The following SLC44A1 variants were observed in gnomAD, a reference collection of about 807,000 sequenced individuals.
SLC44A1 encodes solute carrier family 44 member 1.
A neutral mutation model predicts 79.3 loss-of-function variants in SLC44A1; 26 were observed. The ratio of observed to expected loss-of-function variants is 0.33; its 90% CI spans 0.24 to 0.46. The LOEUF (loss-of-function observed/expected upper bound fraction) is 0.46, where lower values mean the gene tolerates loss of function less well. Ranked by LOEUF, SLC44A1 falls within the 20% of genes least tolerant of loss-of-function variation. The pLI is 1.00. For synonymous variants in SLC44A1, 263 were observed against 286.2 expected (o/e 0.92, Z 0.82); for missense variants, 688 against 798.1 (o/e 0.86, Z 1.66).
rs567667319 is a variant in SLC44A1, at chr9:105,419,125, C to T, written c.1951-19156C>T. 3.9e-5 allele frequency among the ~76,000 whole-genome samples: 6 copies of T among 152,158 alleles called. No individual in the cohort carries two copies. In the East Asian group the frequency reaches 5.8e-4, roughly 15 times the overall value. The stretch of plus-strand genomic sequence containing the variant: ...AGAAAAAGATTTACAAGCTGAAGAA[C>T]GCTAGAGTTAGCATAGAGACATATG... On this transcript the variant is annotated intron_variant, in intron 15 of 15. Transcript: ENST00000374724.
chr9:105,294,180 A>G (rs909763850), intron 1 of SLC44A1, among the ~76,000 whole-genome samples: 1 of 152,216 alleles, frequency 6.6e-6, no homozygotes, highest in Non-Finnish European at 1.5e-5. Flanking sequence ...ATATTGTTGT[A>G]GGAATATATT....
intron 1 of SLC44A1, among the ~76,000 whole-genome samples, chr9:105,269,322 C>CA (rs1830029773): frequency 6.6e-6 from 1 of 152,126 alleles, no homozygotes; most frequent in African/African-American, 2.4e-5. Flanking sequence ...TCTCTTTAGA[C>CA]ACTCTTTTTA....
intron 15 of SLC44A1, among the ~76,000 whole-genome samples, chr9:105,416,257 G>A (rs1468065356): frequency 6.6e-6 from 1 of 150,774 alleles, no homozygotes; most frequent in Non-Finnish European, 1.5e-5. Context: ...ATAAGAAGAA[G>A]CTAATTCTTA....
intron 1 of SLC44A1, among the ~76,000 whole-genome samples, chr9:105,260,458 C>G (rs2131210847): frequency 6.6e-6 from 1 of 152,264 alleles, no homozygotes. Flanking sequence ...AAACCAGAAG[C>G]AACAATAAGG....
rs140452508 is a variant in SLC44A1, at chr9:105,339,276, G to C, written c.406+3577G>C. Among the ~76,000 whole-genome samples, 271 of 152,180 alleles carry C rather than the reference G, an allele frequency of 1.8e-3. 1 individual carries two copies. The highest frequency in any genetic ancestry group is 6.2e-3 in the African/African-American group (257 of 41,526). On this transcript the variant is annotated intron_variant, in intron 4 of 15. Transcript: ENST00000374720. Reference sequence around the variant, plus strand: ...TCACACAAGTGTTGGTGAGGATGTAGAGAATCGGAACCTTTGTGTACCGTT... The same window carrying C: ...TCACACAAGTGTTGGTGAGGATGTACAGAATCGGAACCTTTGTGTACCGTT...
chr9:105,359,155 T>C (rs886943694), intron 7 of SLC44A1, among the ~76,000 whole-genome samples: 5 of 152,178 alleles, frequency 3.3e-5, no homozygotes, highest in Non-Finnish European at 7.4e-5. Flanking sequence ...TTTATAATTA[T>C]ATTTACATTT....
At chr9:105,306,198 T>A (rs968696978) in intron 2 of SLC44A1, among the ~76,000 whole-genome samples, 7 of 152,332 alleles carry the variant, frequency 4.6e-5, no homozygotes, top group African/African-American at 1.7e-4. Context: ...TCTCTAAGAT[T>A]GCTTCCTACT....
Position 105,299,259 on chromosome 9 carries a change from T to C in SLC44A1, c.76T>C (p.Cys26Arg). The change falls in exon 2 of 16, where the codon TGC (cysteine) becomes CGC (arginine). Residue 26 changes from cysteine to arginine, a missense_variant. Coordinates refer to ENST00000374720, the MANE Select transcript of SLC44A1 (RefSeq NM_080546.5). ...REWKPLEDRS[C>R]TDIPWLLLFI... is the part of the protein sequence containing the mutation. ...ATGGAAGCCGCTGGAGGACCGTAGC[T>C]GCACAGACATACCATGGCTGCTGCT... 1 of 1,596,760 alleles carries C rather than the reference T, an allele frequency of 6.3e-7. No individual in the cohort carries two copies. Among genetic ancestry groups the C allele is most frequent in the South Asian group, 1.1e-5 (1 of 87,554 alleles).
At chr9:105,250,280 G>A (rs906062935) in intron 1 of SLC44A1, among the ~76,000 whole-genome samples, 1 of 152,132 alleles carries the variant, frequency 6.6e-6, no homozygotes, top group African/African-American at 2.4e-5. Flanking sequence ...TTCTACAGTT[G>A]CCATCTGGAG....
downstream of SLC44A1, among the ~76,000 whole-genome samples, chr9:105,402,096 G>T (rs1460143485): frequency 2.0e-5 from 3 of 152,214 alleles, no homozygotes; most frequent in Non-Finnish European, 4.4e-5. Flanking sequence ...GAGCAAAGAA[G>T]ATGTGCGTTT....
intron 3 of SLC44A1, among the ~76,000 whole-genome samples, chr9:105,316,142 T>C (rs181608575): frequency 2.6e-5 from 4 of 152,316 alleles, no homozygotes; most frequent in Middle Eastern, 3.4e-3. Flanking sequence ...CTTTTTTTTT[T>C]ATCTCATGGG....
intron 1 of SLC44A1, among the ~76,000 whole-genome samples, chr9:105,264,872 C>A (rs1564403264): frequency 6.6e-6 from 1 of 151,850 alleles, no homozygotes; most frequent in South Asian, 2.1e-4. Context: ...TCTCGGCTCA[C>A]CACAACCTCT....
Position 105,390,119 on chromosome 9 carries a change from C to T in SLC44A1, c.*1063C>T. The T allele has an allele frequency of 8.0e-7, 1 of 1,246,252 alleles. No individual in the cohort carries two copies. Among genetic ancestry groups the T allele is most frequent in the Non-Finnish European group, 1.0e-6 (1 of 988,720 alleles). 77.2% of individuals were successfully genotyped at this position (1,246,252 alleles called of 1,614,324 possible). On this transcript the variant is annotated 3_prime_UTR_variant, in exon 16 of 16. Coordinates refer to ENST00000374720, the MANE Select transcript of SLC44A1 (RefSeq NM_080546.5). Reference sequence around the variant, plus strand: ...GTATCCAGAGTTCTACGATGTTTAACTGAAGAATTGGCTAATGTTTTGATC... The same window carrying T: ...GTATCCAGAGTTCTACGATGTTTAATTGAAGAATTGGCTAATGTTTTGATC...
At position 105,364,556 on chromosome 9, in the gene SLC44A1, C is replaced by T; in HGVS notation, c.1089C>T (p.Gly363=). The T allele has an allele frequency of 1.2e-6, 2 of 1,607,740 alleles. No homozygotes were observed. Among genetic ancestry groups the T allele is most frequent in the South Asian group, 1.1e-5 (1 of 89,622 alleles). The change falls in exon 10 of 16, where the codon GGC becomes GGT. Residue 363 remains glycine, a splice_region_variant and synonymous_variant. Coordinates refer to ENST00000374720, the MANE Select transcript of SLC44A1 (RefSeq NM_080546.5). ...IMTLLFLGTT[G]SPVQNEQGFV... ...TTTCCTTCCTTGATATTTTCCTAGG[C>T]AGTCCTGTTCAGAATGAGCAAGGCT...
intron 1 of SLC44A1, among the ~76,000 whole-genome samples, chr9:105,269,499 A>C (rs764414796): frequency 4.6e-5 from 7 of 152,194 alleles, no homozygotes; most frequent in Non-Finnish European, 1.5e-5. Flanking sequence ...CCATTCTTCT[A>C]TCAAAAAAGG....
intron 7 of SLC44A1, among the ~76,000 whole-genome samples, chr9:105,360,441 A>G (rs1827746594): frequency 6.6e-6 from 1 of 152,118 alleles, no homozygotes. Flanking sequence ...AGCAAGAGTA[A>G]GAACTTGGCT....
intron 4 of SLC44A1, among the ~76,000 whole-genome samples, chr9:105,346,180 C>A (rs886878012): frequency 5.9e-5 from 9 of 152,120 alleles, no homozygotes; most frequent in Non-Finnish European, 5.9e-5. Context: ...ATGATTATTA[C>A]TACTAACACA....
chr9:105,374,399 C>T (rs549663546), intron 12 of SLC44A1, among the ~76,000 whole-genome samples, 199 bp from the exon 13 acceptor site: 1 of 152,232 alleles, frequency 6.6e-6, no homozygotes, highest in South Asian at 2.1e-4. Context: ...AAAACTAAGC[C>T]AAATGGAAAG....
At chr9:105,385,668 G>C (rs1460118468) in intron 15 of SLC44A1, 166 bp downstream of exon 15, 1 of 985,302 alleles carries the variant, frequency 1.0e-6, no homozygotes, top group Non-Finnish European at 1.2e-6. Context: ...TTGGATGGCA[G>C]AATTCTTGTC....
Sources: gnomAD v4.1 joint callset for allele counts (sites outside exome capture counted in the v4.1 genomes callset) on GRCh38, gnomAD v4.1.1 for gene constraint, MANE v1.5 for transcripts, NCBI Gene and HGNC (gene_info 2026-07-23, HGNC 2026-07-21) for gene names.